OLFM3: variants seen among roughly 807,000 people sequenced by gnomAD.
OLFM3 encodes olfactomedin 3, also known as noelin-3.
OLFM3 carries 20 observed loss-of-function variants against 48.6 expected under a neutral mutation model. The observed-to-expected ratio is 0.41, with a 90% CI of 0.29 to 0.60. The LOEUF (loss-of-function observed/expected upper bound fraction) is 0.60, where lower values mean the gene tolerates loss of function less well. Ranked by LOEUF, OLFM3 falls within the 20% of genes least tolerant of loss-of-function variation. The probability of loss-of-function intolerance (pLI) is 0.28; values close to 1 mark genes in which losing one functional copy is unlikely to be tolerated. For missense variants in OLFM3, 437 were observed against 544.3 expected (o/e 0.80, Z 1.96); for synonymous variants, 222 against 198.1 (o/e 1.12, Z -1.01).
chr1:101,836,046 A>C lies in OLFM3; in HGVS notation c.216+833T>G, dbSNP rs569028280. On this transcript the variant is annotated intron_variant, in intron 2 of 5. Coordinates refer to ENST00000370103, the MANE Select transcript of OLFM3 (RefSeq NM_058170.4). Reference sequence around the variant, plus strand: ...TGCCATAAATGTGTGGGTGATCATGAAAATGACATCACACAGAGTCAATTG... The same window carrying C: ...TGCCATAAATGTGTGGGTGATCATGCAAATGACATCACACAGAGTCAATTG... Among the ~76,000 whole-genome samples the C allele has an allele frequency of 2.0e-5, 3 of 152,354 alleles. No homozygotes were observed. In the South Asian group the frequency reaches 6.2e-4, roughly 32 times the overall value.
intron 1 of OLFM3, among the ~76,000 whole-genome samples, chr1:101,968,187 T>A (rs1402889082): frequency 1.3e-5 from 2 of 152,158 alleles, no homozygotes; most frequent in African/African-American, 2.4e-5. Flanking sequence ...CCACATATTT[T>A]AAAAATCTCC....
intron 1 of OLFM3, among the ~76,000 whole-genome samples, chr1:101,889,469 A>C (rs910465859): frequency 1.3e-5 from 2 of 152,130 alleles, no homozygotes. Context: ...ACGTGGACAC[A>C]GGGTGGGTAA....
At chr1:101,852,482 CCTCT>C (rs1656260895) in intron 1 of OLFM3, among the ~76,000 whole-genome samples, 1 of 152,072 alleles carries the variant, frequency 6.6e-6, no homozygotes, top group African/African-American at 2.4e-5. Flanking sequence ...AATTTTATGA[CCTCT>C]CTTTCTTAGT....
At chr1:101,843,269 A>C (rs550105215) in intron 1 of OLFM3, among the ~76,000 whole-genome samples, 1 of 152,292 alleles carries the variant, frequency 6.6e-6, no homozygotes, top group African/African-American at 2.4e-5. Flanking sequence ...TCTTCCCACC[A>C]CAGCAGTAGG....
At chr1:101,921,078 G>A (rs1362631292) in intron 1 of OLFM3, among the ~76,000 whole-genome samples, 1 of 151,964 alleles carries the variant, frequency 6.6e-6, no homozygotes, top group Non-Finnish European at 1.5e-5. Flanking sequence ...GTATTTTAAA[G>A]ATGCTCAATG....
chr1:101,867,190 A>G (rs1475470541), intron 1 of OLFM3, among the ~76,000 whole-genome samples: 1 of 152,196 alleles, frequency 6.6e-6, no homozygotes, highest in Non-Finnish European at 1.5e-5. Context: ...AAACATGACC[A>G]TTGTTGCACA....
chr1:101,820,654 G>A (rs533044619), intron 4 of OLFM3, among the ~76,000 whole-genome samples: 169 of 152,112 alleles, frequency 1.1e-3, no homozygotes, highest in African/African-American at 3.7e-3. Context: ...TGCCCATGGT[G>A]CCCCAGTGGT....
At chr1:101,917,740 C>T (rs572079081) in intron 1 of OLFM3, among the ~76,000 whole-genome samples, 1 of 152,274 alleles carries the variant, frequency 6.6e-6, no homozygotes, top group South Asian at 2.1e-4. Context: ...TTTTATAAAT[C>T]ACAATCATTA....
At chr1:101,982,108 C>A (rs555316974) in intron 1 of OLFM3, among the ~76,000 whole-genome samples, 4 of 152,212 alleles carry the variant, frequency 2.6e-5, no homozygotes, top group South Asian at 4.1e-4. Context: ...GTAGAAGATT[C>A]TTTATTTGGG....
intron 1 of OLFM3, among the ~76,000 whole-genome samples, chr1:101,957,608 A>G (rs1004723649): frequency 2.6e-5 from 4 of 152,052 alleles, no homozygotes; most frequent in East Asian, 1.9e-4. Flanking sequence ...TTGCACAGGA[A>G]TTAAATAACT....
intron 1 of OLFM3, among the ~76,000 whole-genome samples, chr1:101,922,422 C>T (rs1483992642): frequency 1.3e-5 from 2 of 152,090 alleles, no homozygotes; most frequent in Non-Finnish European, 2.9e-5. Flanking sequence ...CAGCTGATCT[C>T]ATTATTATAA....
chr1:101,818,413 TGCA>T, intron 4 of OLFM3, among the ~76,000 whole-genome samples: 1 of 152,202 alleles, frequency 6.6e-6, no homozygotes, highest in African/African-American at 2.4e-5. Context: ...AAGAATAAAA[TGCA>T]TAGCAATGGA....
At chr1:101,994,646 AT>A (rs1240566004) in intron 1 of OLFM3, among the ~76,000 whole-genome samples, 5 of 150,052 alleles carry the variant, frequency 3.3e-5, no homozygotes, top group African/African-American at 9.7e-5. Context: ...GCTTCTCTTC[AT>A]TTTTTAAAGC....
chr1:101,849,283 T>G (rs1233776975), intron 1 of OLFM3, among the ~76,000 whole-genome samples: 1 of 152,252 alleles, frequency 6.6e-6, no homozygotes, highest in Non-Finnish European at 1.5e-5. Flanking sequence ...GATATCCATT[T>G]GAAAAGTTGA....
intron 1 of OLFM3, among the ~76,000 whole-genome samples, chr1:101,843,368 G>A (rs370802888): frequency 5.9e-5 from 9 of 152,136 alleles, no homozygotes; most frequent in Admixed American, 1.3e-4. Flanking sequence ...AGCCCACAGC[G>A]TGAGGGATTT....
chr1:101,979,044 G>T (rs554392908), intron 1 of OLFM3, among the ~76,000 whole-genome samples: 1 of 152,180 alleles, frequency 6.6e-6, no homozygotes, highest in Admixed American at 6.5e-5. Flanking sequence ...TTTGGTCTTA[G>T]AATTTTTGGA....
chr1:101,937,259 C>T (rs1015013482), intron 1 of OLFM3, among the ~76,000 whole-genome samples: 4 of 152,272 alleles, frequency 2.6e-5, no homozygotes, highest in African/African-American at 7.2e-5. Context: ...CATTTCTTAC[C>T]GGTCTGCTCC....
chr1:101,925,913 C>T (rs1659257326), intron 1 of OLFM3, among the ~76,000 whole-genome samples: 1 of 152,116 alleles, frequency 6.6e-6, no homozygotes, highest in South Asian at 2.1e-4. Context: ...TTACCTAGCA[C>T]TTGGCTTAGC....
intron 1 of OLFM3, among the ~76,000 whole-genome samples, chr1:101,967,201 G>A (rs1161328797): frequency 1.3e-5 from 2 of 151,850 alleles, no homozygotes; most frequent in African/African-American, 4.8e-5. Flanking sequence ...TGGGCTTCTT[G>A]TTTATATTTC....
Sources: allele counts gnomAD v4.1 joint callset (sites outside exome capture counted in the v4.1 genomes callset), GRCh38; gene constraint gnomAD v4.1.1; transcripts MANE v1.5; gene names NCBI Gene and HGNC (gene_info 2026-07-23, HGNC 2026-07-21).